Variants in NEO1 observed in about 807,000 individuals in gnomAD.
NEO1 encodes the protein neogenin 1, also known as neogenin.
In NEO1, 63 loss-of-function variants were observed where a neutral mutation model predicts 159.7. That is an observed-to-expected ratio of 0.39 (90% CI 0.32 to 0.49). The LOEUF is 0.49. Ranked by LOEUF, NEO1 falls within the 20% of genes least tolerant of loss-of-function variation. NEO1 has a pLI of 0.85. For synonymous variants in NEO1, 633 were observed against 662.0 expected (o/e 0.96, Z 0.67); for missense variants, 1,615 against 1,831.0 (o/e 0.88, Z 2.15).
At chr15:73,293,588 A>G (rs1273245833) in intron 26 of NEO1, 40 bp downstream of exon 26, 1 of 1,580,442 alleles carries the variant, frequency 6.3e-7, no homozygotes, top group East Asian at 2.3e-5. Flanking sequence ...AACCATTCCA[A>G]AAGAGTCGGC....
intron 26 of NEO1, among the ~76,000 whole-genome samples, chr15:73,295,653 T>C (rs189157650): frequency 6.6e-6 from 1 of 152,296 alleles, no homozygotes; most frequent in East Asian, 1.9e-4. Flanking sequence ...GTGATAGACT[T>C]ACTGAAGACT....
intron 1 of NEO1, among the ~76,000 whole-genome samples, chr15:73,068,786 G>A (rs186138205): frequency 6.6e-6 from 1 of 152,162 alleles, no homozygotes; most frequent in African/African-American, 2.4e-5. Context: ...ATCTACACTG[G>A]GTATTTTGTT....
At chr15:73,233,997 A>C (rs969673485) in intron 7 of NEO1, among the ~76,000 whole-genome samples, 1 of 152,194 alleles carries the variant, frequency 6.6e-6, no homozygotes, top group Non-Finnish European at 1.5e-5. Flanking sequence ...AGTTTTGAAC[A>C]TAAGTCTTTG....
chr15:73,135,324 G>C (rs1002250229), intron 4 of NEO1, among the ~76,000 whole-genome samples: 1 of 152,050 alleles, frequency 6.6e-6, no homozygotes, highest in Non-Finnish European at 1.5e-5. Flanking sequence ...CCACACCCAG[G>C]GAGCTGCTCT....
Position 73,249,193 on chromosome 15 carries a change from G to A in NEO1, c.1740G>A (p.Gly580=), listed in dbSNP as rs746040097. 5 of 1,613,978 alleles carry A rather than the reference G, an allele frequency of 3.1e-6. No homozygotes were observed. The highest frequency in any genetic ancestry group is 3.4e-6 in the Non-Finnish European group (4 of 1,179,904). ...ATAAATTGTACTACATGGAAAAGGGGACTGATAAAGAACAGGTATGAAGTG... is the reference window on the plus strand; with the variant it reads ...ATAAATTGTACTACATGGAAAAGGGAACTGATAAAGAACAGGTATGAAGTG... ...QNYKLYYMEK[G]TDKEQDVDVS... The change falls in exon 10 of 29, where the codon GGG becomes GGA. Residue 580 remains glycine (G), a synonymous_variant. Transcript: ENST00000261908.
At chr15:73,276,487 G>A (rs967441283) in intron 21 of NEO1, among the ~76,000 whole-genome samples, 5 of 152,190 alleles carry the variant, frequency 3.3e-5, no homozygotes, top group Non-Finnish European at 7.3e-5. Context: ...CTTAATCTAT[G>A]GTGTGTGTCA....
At position 73,178,330 on chromosome 15, in the gene NEO1, G is replaced by A. The variant is rs1274717527; in HGVS notation, c.1194G>A (p.Leu398=). 1 of 1,612,348 alleles carries A rather than the reference G, an allele frequency of 6.2e-7. No homozygotes were observed. The highest frequency in any genetic ancestry group is 8.5e-7 in the Non-Finnish European group (1 of 1,179,096). Residue 398 remains leucine, a synonymous_variant, in exon 7 of 29, where the codon TTG becomes TTA. Coordinates refer to ENST00000261908, the MANE Select transcript of NEO1 (RefSeq NM_002499.4). ...KIVKEHNLQV[L]GLVKSDEGFY... is the part of the protein sequence containing the mutation. Reference sequence around the variant, plus strand: ...AGAAGGAACATAATCTTCAAGTTTTGGGTCTGGTGAAATCAGATGAAGGGT... The same window carrying A: ...AGAAGGAACATAATCTTCAAGTTTTAGGTCTGGTGAAATCAGATGAAGGGT...
chr15:73,092,440 G>T (rs1286114628), intron 1 of NEO1, among the ~76,000 whole-genome samples: 1 of 152,104 alleles, frequency 6.6e-6, no homozygotes, highest in African/African-American at 2.4e-5. Context: ...ATTAGTTTTT[G>T]ATTTGCTGAT....
At chr15:73,149,229 C>T (rs772911897) in intron 5 of NEO1, among the ~76,000 whole-genome samples, 32 of 151,800 alleles carry the variant, frequency 2.1e-4, no homozygotes, top group Admixed American at 4.6e-4. Context: ...GCAGGAGAAT[C>T]GCTTGAACCC....
chr15:73,244,954 CAAAA>C (rs57566986), intron 9 of NEO1, among the ~76,000 whole-genome samples: 45 of 16,514 alleles, frequency 2.7e-3, no homozygotes, highest in East Asian at 0.012. Context: ...GACTCTGTCT[CAAAA>C]AAAAAAAAAA....
chr15:73,241,339 G>A (rs532492564), intron 8 of NEO1, among the ~76,000 whole-genome samples: 1 of 152,122 alleles, frequency 6.6e-6, no homozygotes. Context: ...TGCCAAATTG[G>A]AGCAATTATT....
At chr15:73,300,328 T>C (rs2042561812) in intron 27 of NEO1, among the ~76,000 whole-genome samples, 1 of 152,250 alleles carries the variant, frequency 6.6e-6, no homozygotes, top group East Asian at 1.9e-4. Flanking sequence ...TTGTTCATTT[T>C]CTAAAAGATG....
At chr15:73,057,403 C>T (rs1252163203) in intron 1 of NEO1, among the ~76,000 whole-genome samples, 4 of 152,048 alleles carry the variant, frequency 2.6e-5, no homozygotes, top group African/African-American at 9.7e-5. Context: ...TTAGTGACTT[C>T]CATGTGATTG....
At chr15:73,256,654 A>G (rs2040366320) in intron 13 of NEO1, among the ~76,000 whole-genome samples, 2 of 152,154 alleles carry the variant, frequency 1.3e-5, no homozygotes, top group African/African-American at 4.8e-5. Flanking sequence ...GAGAAGGTGA[A>G]TGTTTGTCTC....
chr15:73,271,416 T>G (rs2041162633), intron 18 of NEO1, among the ~76,000 whole-genome samples: 1 of 152,230 alleles, frequency 6.6e-6, no homozygotes, highest in Admixed American at 6.5e-5. Flanking sequence ...CTTAATTTGC[T>G]CATTTTCCTA....
rs7172103 is a variant in NEO1, at chr15:73,061,427, G to A, written c.130+8622G>A. ...AGATCTTCCCTCAGAAATCTCTTGAGTCTTAATCTCTCCTCAAATTAGTAA... is the reference window on the plus strand; with the variant it reads ...AGATCTTCCCTCAGAAATCTCTTGAATCTTAATCTCTCCTCAAATTAGTAA... On this transcript the variant is annotated intron_variant, in intron 1 of 28. Coordinates refer to ENST00000261908, the MANE Select transcript of NEO1 (RefSeq NM_002499.4). 8.6e-3 allele frequency among the ~76,000 whole-genome samples: 1,302 copies of A among 152,236 alleles called. 22 individuals are homozygous for A. The highest frequency in any genetic ancestry group is 0.03 in the African/African-American group (1,227 of 41,516).
intron 7 of NEO1, among the ~76,000 whole-genome samples, chr15:73,189,777 A>T (rs952624948): frequency 2.0e-5 from 3 of 152,256 alleles, no homozygotes; most frequent in African/African-American, 7.2e-5. Flanking sequence ...CTTAATAATT[A>T]TAGTTAAAAT....
At chr15:73,130,741 C>A (rs1163953441) in intron 4 of NEO1, among the ~76,000 whole-genome samples, 1 of 152,208 alleles carries the variant, frequency 6.6e-6, no homozygotes, top group Non-Finnish European at 1.5e-5. Context: ...CCACTTTCAC[C>A]CCATCCAGCC....
At chr15:73,157,113 C>T (rs1216680518) in intron 5 of NEO1, among the ~76,000 whole-genome samples, 1 of 152,176 alleles carries the variant, frequency 6.6e-6, no homozygotes, top group Non-Finnish European at 1.5e-5. Flanking sequence ...GCAACTCAGT[C>T]CAGGGCCTTA....
Sources: allele counts gnomAD v4.1 joint callset (sites outside exome capture counted in the v4.1 genomes callset), GRCh38; gene constraint gnomAD v4.1.1; transcripts MANE v1.5; gene names NCBI Gene and HGNC (gene_info 2026-07-23, HGNC 2026-07-21).